Variants in CWF19L2 observed in about 807,000 individuals in gnomAD.
The protein encoded by CWF19L2 is CWF19 like cell cycle control factor 2.
A neutral mutation model predicts 111.7 loss-of-function variants in CWF19L2; 98 were observed. The observed-to-expected ratio is 0.88, with a 90% CI of 0.75 to 1.04. The LOEUF (loss-of-function observed/expected upper bound fraction) is 1.04, where lower values mean the gene tolerates loss of function less well. Among genes scored for constraint, CWF19L2 ranks in the 50% least tolerant of loss-of-function variants. The pLI is 0.00. For synonymous variants in CWF19L2, 351 were observed against 342.9 expected, an observed-to-expected ratio of 1.02 and a Z score of -0.26; for missense variants, 1,101 against 1,051.4, an observed-to-expected ratio of 1.05 and a Z score of -0.65.
chr11:107,356,804 G>C (rs953279834), intron 12 of CWF19L2, among the ~76,000 whole-genome samples: 2 of 152,184 alleles, frequency 1.3e-5, no homozygotes, highest in African/African-American at 2.4e-5. Flanking sequence ...TTGGGAGGTG[G>C]AGGTGGGCGG....
intron 14 of CWF19L2, among the ~76,000 whole-genome samples, chr11:107,339,261 T>G (rs543362468): frequency 2.6e-5 from 4 of 152,286 alleles, no homozygotes; most frequent in African/African-American, 9.6e-5. Context: ...GTGTTTCCAG[T>G]TTTTAATTAT....
intron 2 of CWF19L2, among the ~76,000 whole-genome samples, chr11:107,455,023 G>A (rs1301569437): frequency 6.6e-6 from 1 of 152,120 alleles, no homozygotes; most frequent in Non-Finnish European, 1.5e-5. Flanking sequence ...AGGGGAAGGA[G>A]CAAGGATAGG....
intron 10 of CWF19L2, 86 bp from the exon 11 acceptor site, chr11:107,392,981 G>C (rs1457422714): frequency 2.4e-6 from 2 of 830,854 alleles, no homozygotes; most frequent in Non-Finnish European, 3.7e-6. Flanking sequence ...GCATTAAAAT[G>C]ATTAACGTTT....
chr11:107,355,219 C>T (rs1046321769), intron 12 of CWF19L2, among the ~76,000 whole-genome samples: 1 of 152,022 alleles, frequency 6.6e-6, no homozygotes, highest in South Asian at 2.1e-4. Flanking sequence ...AGTTTGAGAC[C>T]AGCCTGACCA....
intron 12 of CWF19L2, among the ~76,000 whole-genome samples, chr11:107,367,287 G>C (rs879912539): frequency 0.033 from 4,458 of 133,990 alleles, 330 homozygotes; most frequent in South Asian, 0.046. Flanking sequence ...CGGGGATCTA[G>C]AACTAGAAAT....
chr11:107,344,981 G>A (rs1418829509), intron 14 of CWF19L2, among the ~76,000 whole-genome samples: 1 of 152,134 alleles, frequency 6.6e-6, no homozygotes, highest in Non-Finnish European at 1.5e-5. Context: ...GCAGGTGGGA[G>A]TGCTAGGTTC....
chr11:107,414,547 C>A (rs1317683057), intron 10 of CWF19L2, among the ~76,000 whole-genome samples: 1 of 152,112 alleles, frequency 6.6e-6, no homozygotes, highest in Non-Finnish European at 1.5e-5. Context: ...TCTATCTTCT[C>A]CCTACTCCCA....
At chr11:107,445,263 G>T (rs769766255) in intron 3 of CWF19L2, among the ~76,000 whole-genome samples, 3 of 152,090 alleles carry the variant, frequency 2.0e-5, no homozygotes, top group Non-Finnish European at 1.5e-5. Context: ...TTTAGTTTCT[G>T]TTACCTGCAA....
intron 2 of CWF19L2, among the ~76,000 whole-genome samples, chr11:107,454,870 C>T (rs1345434071): frequency 6.6e-6 from 1 of 152,062 alleles, no homozygotes; most frequent in Non-Finnish European, 1.5e-5. Context: ...CATATATACA[C>T]AAACATGTAT....
Position 107,442,780 on chromosome 11 carries a change from AAGGAAGGAAGGAAGGGAGGGAGGG to A in CWF19L2, c.450+135_450+158del, listed in dbSNP as rs1463161932. Among the ~76,000 whole-genome samples the A allele has an allele frequency of 5.1e-3, 254 of 49,714 alleles. 4 individuals carry two copies. The highest frequency in any genetic ancestry group is 0.025 in the African/African-American group (231 of 9,410). 32.6% of individuals were successfully genotyped at this position (49,714 alleles called of 152,430 possible). A position where few individuals can be genotyped will look rare whatever the true frequency, so the allele number is the denominator to read the frequency against. On this transcript the variant is annotated intron_variant, in intron 4 of 17. Transcript: ENST00000282251. ...GAAGGAAGGAAGGAAGGAAGGAAGGAAGGAAGGAAGGAAGGGAGGGAGGGAGGGAGGGAGGGAGGGGGAGGGAGG... is the reference window on the plus strand; with the variant it reads ...GAAGGAAGGAAGGAAGGAAGGAAGGAAGGGAGGGAGGGAGGGGGAGGGAGG...
intron 6 of CWF19L2, among the ~76,000 whole-genome samples, chr11:107,437,553 A>C (rs1272501773): frequency 6.6e-6 from 1 of 152,238 alleles, no homozygotes; most frequent in Non-Finnish European, 1.5e-5. Context: ...TCTTAGCCTC[A>C]GAAAGACAGA....
At chr11:107,396,895 C>G (rs550583100) in intron 10 of CWF19L2, among the ~76,000 whole-genome samples, 95 of 152,266 alleles carry the variant, frequency 6.2e-4, no homozygotes, top group African/African-American at 2.1e-3. Context: ...AACATACCCC[C>G]CAACTGGAGA....
chr11:107,448,581 T>C (rs1370569378), intron 3 of CWF19L2, among the ~76,000 whole-genome samples: 1 of 151,914 alleles, frequency 6.6e-6, no homozygotes, highest in Non-Finnish European at 1.5e-5. Flanking sequence ...AACTCACAAA[T>C]CAAAGCAGCA....
At chr11:107,410,288 A>G (rs1160500481) in intron 10 of CWF19L2, among the ~76,000 whole-genome samples, 1 of 152,164 alleles carries the variant, frequency 6.6e-6, no homozygotes, top group East Asian at 1.9e-4. Context: ...TTTCTAAAAA[A>G]AAACCACTTT....
At chr11:107,451,048 TC>T (rs1170781184) in intron 3 of CWF19L2, among the ~76,000 whole-genome samples, 3 of 152,106 alleles carry the variant, frequency 2.0e-5, no homozygotes, top group African/African-American at 7.2e-5. Flanking sequence ...GAATACATAC[TC>T]ATTTCAAATA....
At chr11:107,385,649 C>G (rs1291510460) in intron 12 of CWF19L2, among the ~76,000 whole-genome samples, 14 of 152,190 alleles carry the variant, frequency 9.2e-5, no homozygotes. Context: ...TACCTGCAGT[C>G]AACTGTGGTT....
chr11:107,418,758 GAACAT>G (rs1861263913), intron 8 of CWF19L2, among the ~76,000 whole-genome samples: 2 of 152,080 alleles, frequency 1.3e-5, no homozygotes, highest in Non-Finnish European at 2.9e-5. Flanking sequence ...AGTCAGTCCA[GAACAT>G]AACATATAGT....
At chr11:107,456,559 G>A (rs1044370487) in intron 1 of CWF19L2, among the ~76,000 whole-genome samples, 6 of 151,094 alleles carry the variant, frequency 4.0e-5, no homozygotes, top group Admixed American at 1.3e-4. Context: ...AAACCTGGCT[G>A]TAGTCATTTT....
intron 11 of CWF19L2, 35 bp from the exon 12 acceptor site, chr11:107,390,246 A>C (rs1423153027): frequency 6.6e-7 from 1 of 1,516,718 alleles, no homozygotes; most frequent in Non-Finnish European, 8.9e-7. Flanking sequence ...TTTAATGAAA[A>C]CATGAGTCTC....
Sources: gnomAD v4.1 joint callset for allele counts (sites outside exome capture counted in the v4.1 genomes callset) on GRCh38, gnomAD v4.1.1 for gene constraint, MANE v1.5 for transcripts, NCBI Gene and HGNC (gene_info 2026-07-23, HGNC 2026-07-21) for gene names.